Variants in ACOXL observed in about 807,000 individuals in gnomAD.
ACOXL encodes acyl-coenzyme A oxidase-like protein.
ACOXL carries 70 observed loss-of-function variants against 71.9 expected under a neutral mutation model. The ratio of observed to expected loss-of-function variants is 0.97; its 90% CI spans 0.80 to 1.19. The LOEUF (loss-of-function observed/expected upper bound fraction) is 1.19, where lower values mean the gene tolerates loss of function less well. Ranked by LOEUF, ACOXL falls within the 50% of genes most tolerant of loss-of-function variation. ACOXL has a pLI of 0.00. For synonymous variants in ACOXL, 253 were observed against 281.6 expected, an observed-to-expected ratio of 0.90 and a Z score of 1.02; for missense variants, 703 against 736.3, an observed-to-expected ratio of 0.95 and a Z score of 0.52.
chr2:110,875,116 A>G (rs544561653), intron 10 of ACOXL, among the ~76,000 whole-genome samples: 4 of 152,292 alleles, frequency 2.6e-5, no homozygotes, highest in African/African-American at 7.2e-5. Context: ...ACGCAGGCCA[A>G]TGACGCAGCA....
chr2:110,912,979 A>G (rs1371949066), intron 11 of ACOXL, among the ~76,000 whole-genome samples: 3 of 152,244 alleles, frequency 2.0e-5, no homozygotes, highest in East Asian at 3.8e-4. Context: ...AAGAAGATGT[A>G]CAAATAACCA....
At chr2:111,047,975 T>C (rs747771013) in intron 15 of ACOXL, among the ~76,000 whole-genome samples, 1 of 152,268 alleles carries the variant, frequency 6.6e-6, no homozygotes, top group Non-Finnish European at 1.5e-5. Context: ...AATTCTATTT[T>C]AGAGTAACAT....
intron 1 of ACOXL, among the ~76,000 whole-genome samples, chr2:110,762,312 T>A (rs1405500777): frequency 6.6e-6 from 1 of 152,194 alleles, no homozygotes; most frequent in Non-Finnish European, 1.5e-5. Flanking sequence ...GTCTTTTAAT[T>A]GTGGTATTTA....
chr2:110,843,899 A>G (rs1165832690), intron 10 of ACOXL, among the ~76,000 whole-genome samples: 1 of 152,256 alleles, frequency 6.6e-6, no homozygotes, highest in Non-Finnish European at 1.5e-5. Context: ...ACTGAAAGTG[A>G]TGAGATTGAG....
At chr2:111,113,709 C>CA (rs2070149051) in intron 17 of ACOXL, among the ~76,000 whole-genome samples, 1 of 152,184 alleles carries the variant, frequency 6.6e-6, no homozygotes, top group Admixed American at 6.5e-5. Context: ...AGTTATGTGT[C>CA]ACAGCAGAAG....
chr2:111,069,628 C>T (rs769883046), intron 16 of ACOXL, among the ~76,000 whole-genome samples: 2 of 152,116 alleles, frequency 1.3e-5, no homozygotes, highest in African/African-American at 2.4e-5. Context: ...TTTTAACCTT[C>T]GAAGTAAAGA....
At chr2:110,898,578 G>C (rs137900111) in intron 10 of ACOXL, among the ~76,000 whole-genome samples, 16 of 152,286 alleles carry the variant, frequency 1.1e-4, no homozygotes, top group African/African-American at 2.4e-4. Context: ...GAAGACTAAA[G>C]AGGAACATCC....
At chr2:111,084,928 A>C (rs1285132210) in intron 16 of ACOXL, among the ~76,000 whole-genome samples, 1 of 151,932 alleles carries the variant, frequency 6.6e-6, no homozygotes, top group African/African-American at 2.4e-5. Flanking sequence ...AGAGGTGGCA[A>C]TCCTAATTTC....
chr2:110,865,662 C>T (rs902986445), intron 10 of ACOXL, among the ~76,000 whole-genome samples: 2 of 152,196 alleles, frequency 1.3e-5, no homozygotes, highest in African/African-American at 4.8e-5. Context: ...CACCTTGTCC[C>T]CTCCACTCTG....
intron 3 of ACOXL, among the ~76,000 whole-genome samples, chr2:110,791,241 T>C (rs1203493314): frequency 6.6e-6 from 1 of 152,238 alleles, no homozygotes; most frequent in African/African-American, 2.4e-5. Flanking sequence ...ACTGCTGCAG[T>C]TTCCTGCAAA....
intron 10 of ACOXL, among the ~76,000 whole-genome samples, chr2:110,855,030 T>G (rs1318311691): frequency 6.6e-6 from 1 of 152,226 alleles, no homozygotes; most frequent in African/African-American, 2.4e-5. Flanking sequence ...GAGAGTCTTC[T>G]TTTAAATCAC....
At chr2:110,874,385 C>T (rs1695639785) in intron 10 of ACOXL, among the ~76,000 whole-genome samples, 1 of 151,648 alleles carries the variant, frequency 6.6e-6, no homozygotes, top group Non-Finnish European at 1.5e-5. Context: ...TCCAGCCACA[C>T]CTGACATCCC....
intron 14 of ACOXL, among the ~76,000 whole-genome samples, chr2:111,004,267 G>T (rs1200688977): frequency 6.6e-6 from 1 of 151,926 alleles, no homozygotes; most frequent in Non-Finnish European, 1.5e-5. Flanking sequence ...TCTAGTAATG[G>T]TCTTTAATTT....
chr2:110,855,567 A>G (rs1023074021), intron 10 of ACOXL, among the ~76,000 whole-genome samples: 1 of 152,244 alleles, frequency 6.6e-6, no homozygotes, highest in African/African-American at 2.4e-5. Flanking sequence ...ATAAAAATAT[A>G]TGATATGTAC....
intron 3 of ACOXL, among the ~76,000 whole-genome samples, chr2:110,788,641 G>A (rs1250710731): frequency 2.0e-5 from 3 of 152,174 alleles, no homozygotes; most frequent in East Asian, 1.9e-4. Context: ...ACCTTATGCT[G>A]TATGTATTTT....
chr2:110,750,881 C>T (rs993923995), intron 1 of ACOXL, among the ~76,000 whole-genome samples: 3 of 151,996 alleles, frequency 2.0e-5, no homozygotes, highest in Non-Finnish European at 2.9e-5. Flanking sequence ...GATGGGGCTT[C>T]GCCATGTTGC....
intron 13 of ACOXL, 80 bp downstream of exon 13, chr2:110,987,297 C>T: frequency 1.5e-6 from 2 of 1,316,938 alleles, no homozygotes; most frequent in African/African-American, 1.5e-5. Context: ...TGGCATAACT[C>T]ACTCTTGCTT....
At position 110,748,561 on chromosome 2, in the gene ACOXL, TCA is replaced by T. The variant is rs1287172794; in HGVS notation, c.-23+15788_-23+15789del. Among the ~76,000 whole-genome samples the T allele has an allele frequency of 2.6e-5, 4 of 152,332 alleles. No homozygotes were observed. In the East Asian group the frequency reaches 7.7e-4, roughly 29 times the overall value. ...TAGAAAGCCCTGTCTTCGCATTTTC[TCA>T]GTCTCCCTTGCTGGTTCAGAGCTTG... On this transcript the variant is annotated intron_variant, in intron 1 of 17. Transcript: ENST00000439055.
chr2:110,736,001 T>C (rs1399834554), intron 1 of ACOXL, among the ~76,000 whole-genome samples: 2 of 151,984 alleles, frequency 1.3e-5, no homozygotes, highest in Non-Finnish European at 2.9e-5. Flanking sequence ...CTTCTCCCAC[T>C]TGTAGCTCCT....
Sources: allele counts gnomAD v4.1 joint callset (sites outside exome capture counted in the v4.1 genomes callset), GRCh38; gene constraint gnomAD v4.1.1; transcripts MANE v1.5; gene names NCBI Gene and HGNC (gene_info 2026-07-23, HGNC 2026-07-21).